CTNNA2: variants seen among roughly 807,000 people sequenced by gnomAD.
CTNNA2 encodes catenin alpha-2.
CTNNA2 carries 42 observed loss-of-function variants against 101.0 expected under a neutral mutation model. That is an observed-to-expected ratio of 0.42 (90% CI 0.32 to 0.54). The LOEUF is 0.54. Ranked by LOEUF, CTNNA2 falls within the 20% of genes least tolerant of loss-of-function variation. The pLI is 0.14. For missense variants in CTNNA2, 871 were observed against 1,223.1 expected (o/e 0.71, Z 4.29); for synonymous variants, 450 against 456.4 (o/e 0.99, Z 0.18).
intron 3 of CTNNA2, among the ~76,000 whole-genome samples, chr2:79,373,607 C>T (rs1044233938): frequency 1.3e-5 from 2 of 152,168 alleles, no homozygotes; most frequent in East Asian, 3.9e-4. Context: ...TAAATGAGCC[C>T]ACAGCCTGGA....
Position 79,378,360 on chromosome 2 carries a change from G to A in CTNNA2, c.-135+4347G>A, listed in dbSNP as rs898522572. Among the ~76,000 whole-genome samples the A allele has an allele frequency of 2.0e-5, 3 of 152,108 alleles. No individual in the cohort carries two copies. In the East Asian group the frequency reaches 5.8e-4, roughly 29 times the overall value. On this transcript the variant is annotated intron_variant, in intron 4 of 21. Coordinates refer to the CTNNA2 transcript ENST00000466387. ...AACAAGAGCTTCAGATGTAATATAT[G>A]TAAATATTGTGTAAATAAATATACA...
At position 79,230,621 on chromosome 2, in the gene CTNNA2, C is replaced by A. The variant is rs142746996; in HGVS notation, c.-406+32545C>A. Among the ~76,000 whole-genome samples the A allele has an allele frequency of 5.2e-3, 789 of 152,298 alleles. 6 individuals carry two copies. Among genetic ancestry groups the A allele is most frequent in the African/African-American group, 0.018 (756 of 41,574 alleles). ...CACAGAGTCCATACTGGGGCACCATCTAGTGGAGCTGTGAGAAGAGGGCCA... is the reference window on the plus strand; with the variant it reads ...CACAGAGTCCATACTGGGGCACCATATAGTGGAGCTGTGAGAAGAGGGCCA... On this transcript the variant is annotated intron_variant, in intron 2 of 21. Transcript: ENST00000466387.
intron 13 of CTNNA2, 70 bp from the exon 14 acceptor site, chr2:80,581,636 C>A (rs903578489): frequency 1.0e-4 from 100 of 952,948 alleles, no homozygotes; most frequent in Non-Finnish European, 1.6e-4. Flanking sequence ...TTAGCCTTTG[C>A]AATGAAGTGT....
At chr2:79,414,868 T>C (rs879832569) in intron 4 of CTNNA2, among the ~76,000 whole-genome samples, 18 of 152,108 alleles carry the variant, frequency 1.2e-4, no homozygotes, top group Admixed American at 1.2e-3. Context: ...GACTGTACCA[T>C]ACGAATGGCC....
chr2:80,050,045 C>A (rs956425033), intron 7 of CTNNA2, among the ~76,000 whole-genome samples: 1 of 152,132 alleles, frequency 6.6e-6, no homozygotes, highest in Admixed American at 6.5e-5. Context: ...CCCCAACACA[C>A]TAAGATAGAG....
intron 7 of CTNNA2, among the ~76,000 whole-genome samples, chr2:80,293,579 C>T (rs1675460417): frequency 1.3e-5 from 2 of 152,094 alleles, no homozygotes; most frequent in Non-Finnish European, 2.9e-5. Context: ...GTGGGATGTC[C>T]TGGCCAAATG....
chr2:80,528,964 T>C (rs78084445), intron 9 of CTNNA2, among the ~76,000 whole-genome samples: 5,050 of 152,194 alleles, frequency 0.033, 263 homozygotes, highest in East Asian at 0.24. Flanking sequence ...TAAACAAGTA[T>C]TAAGAGATGA....
At chr2:79,892,643 A>G (rs747045510) in intron 6 of CTNNA2, among the ~76,000 whole-genome samples, 4 of 152,360 alleles carry the variant, frequency 2.6e-5, no homozygotes, top group South Asian at 4.1e-4. Context: ...AGAAAGAGAC[A>G]GGCAGACAAA....
At chr2:80,462,815 T>C (rs1684552783) in intron 9 of CTNNA2, among the ~76,000 whole-genome samples, 1 of 152,046 alleles carries the variant, frequency 6.6e-6, no homozygotes, top group Non-Finnish European at 1.5e-5. Context: ...GTCTTCTCTA[T>C]TCGGTTTCTT....
chr2:80,314,915 A>G (rs940088422), intron 7 of CTNNA2, among the ~76,000 whole-genome samples: 1 of 152,192 alleles, frequency 6.6e-6, no homozygotes, highest in Admixed American at 6.5e-5. Context: ...TGTGAAAAGC[A>G]TTTTCAAATT....
intron 7 of CTNNA2, among the ~76,000 whole-genome samples, chr2:79,915,721 A>C (rs1686151482): frequency 6.6e-6 from 1 of 152,212 alleles, no homozygotes; most frequent in Admixed American, 6.5e-5. Context: ...AACAAAATTT[A>C]AGTGCCTCTG....
At chr2:79,703,698 T>A (rs544539782) in intron 2 of CTNNA2, among the ~76,000 whole-genome samples, 3 of 152,318 alleles carry the variant, frequency 2.0e-5, no homozygotes, top group East Asian at 3.9e-4. Flanking sequence ...TTTATTTGAA[T>A]GTTGGCTAAG....
intron 3 of CTNNA2, among the ~76,000 whole-genome samples, chr2:79,776,526 T>C (rs1673977152): frequency 6.6e-6 from 1 of 152,178 alleles, no homozygotes; most frequent in South Asian, 2.1e-4. Flanking sequence ...AATTAGGAGA[T>C]GGCAGAGACC....
intron 18 of CTNNA2, among the ~76,000 whole-genome samples, chr2:80,639,525 G>A (rs867448017): frequency 3.8e-4 from 55 of 143,072 alleles, no homozygotes; most frequent in Non-Finnish European, 1.1e-4. Flanking sequence ...GTGTGTGTGT[G>A]TGTGTGTGTG....
intron 1 of CTNNA2, among the ~76,000 whole-genome samples, chr2:79,636,298 A>G (rs1247370362): frequency 7.0e-6 from 1 of 143,454 alleles, no homozygotes; most frequent in Non-Finnish European, 1.5e-5. Context: ...AAAAAAAAAA[A>G]AGGAAGAAAA....
chr2:80,457,752 C>T (rs973661213), intron 9 of CTNNA2, among the ~76,000 whole-genome samples: 9 of 152,136 alleles, frequency 5.9e-5, no homozygotes, highest in African/African-American at 2.2e-4. Flanking sequence ...TACTGATGCT[C>T]TAAAATTTAT....
intron 2 of CTNNA2, among the ~76,000 whole-genome samples, chr2:79,742,856 A>T (rs1303081844): frequency 6.6e-6 from 1 of 152,240 alleles, no homozygotes; most frequent in African/African-American, 2.4e-5. Context: ...AGAGAGCCGA[A>T]TAAAACAGCT....
At chr2:80,356,619 T>C (rs1170961813) in intron 7 of CTNNA2, among the ~76,000 whole-genome samples, 1 of 151,966 alleles carries the variant, frequency 6.6e-6, no homozygotes, top group Non-Finnish European at 1.5e-5. Context: ...GGAAGAACTG[T>C]CATGGGAAAA....
chr2:79,635,387 G>A (rs7563106), intron 1 of CTNNA2, among the ~76,000 whole-genome samples: 20,746 of 151,608 alleles, frequency 0.14, 1,795 homozygotes, highest in East Asian at 0.36. Context: ...AGCCGAGATC[G>A]TGCCACTGCA....
Sources: allele counts gnomAD v4.1 joint callset (sites outside exome capture counted in the v4.1 genomes callset), GRCh38; gene constraint gnomAD v4.1.1; transcripts MANE v1.5; gene names NCBI Gene and HGNC (gene_info 2026-07-23, HGNC 2026-07-21).